Variants in PITPNB observed in about 807,000 individuals in gnomAD.
The protein encoded by PITPNB is phosphatidylinositol transfer protein beta.
In PITPNB, 16 loss-of-function variants were observed where a neutral mutation model predicts 45.9. That is an observed-to-expected ratio of 0.35 (90% CI 0.24 to 0.53). The LOEUF (loss-of-function observed/expected upper bound fraction) is 0.53, where lower values mean the gene tolerates loss of function less well. PITPNB is among the 20% of genes least tolerant of loss of function. The probability of loss-of-function intolerance (pLI) is 0.93; values close to 1 mark genes in which losing one functional copy is unlikely to be tolerated. For synonymous variants in PITPNB, 112 were observed against 108.9 expected, an observed-to-expected ratio of 1.03 and a Z score of -0.18; for missense variants, 188 against 330.5, an observed-to-expected ratio of 0.57 and a Z score of 3.34.
In PITPNB at chr22:27,897,936, T is replaced by G. The variant is rs779737087; in HGVS notation, c.198-44A>C. ...TGGATATATTTAACAGCACCATCAA[T>G]TCTTTCTTGGTATCTATCCAACTGC... On this transcript the variant is annotated intron_variant, in intron 3 of 11. Coordinates refer to ENST00000335272, the MANE Select transcript of PITPNB (RefSeq NM_012399.5). 1.2e-5 allele frequency: 16 copies of G among 1,321,114 alleles called. No homozygotes were observed. The South Asian group carries it at 1.7e-4, about 14-fold the overall frequency. The allele number at this position is 1,321,114 out of a possible 1,614,324, so 81.8% of individuals were successfully genotyped here.
chr22:27,919,108 T>C, intron 1 of PITPNB, 64 bp downstream of exon 1: 1 of 1,613,160 alleles, frequency 6.2e-7, no homozygotes, highest in Non-Finnish European at 8.5e-7. Flanking sequence ...CTACCACTTC[T>C]CCATCAACAA....
chr22:27,918,928 G>C (rs1936180438), intron 1 of PITPNB, among the ~76,000 whole-genome samples: 1 of 151,958 alleles, frequency 6.6e-6, no homozygotes, highest in Non-Finnish European at 1.5e-5. Context: ...CCATGCGCTC[G>C]GGCCGGGACC....
At chr22:27,918,399 A>G (rs7293052) in intron 1 of PITPNB, among the ~76,000 whole-genome samples, 5,471 of 152,280 alleles carry the variant, frequency 0.036, 321 homozygotes, top group African/African-American at 0.13. Context: ...GAACATTCAG[A>G]GGCAAGCAGA....
At position 27,875,487 on chromosome 22, in the gene PITPNB, CA is replaced by C. The variant is rs2146368988; in HGVS notation, c.457-1673del. ...AATGAATAACTCCACTTCTGATTGA[CA>C]AAAGAATCAACTGTGTGTACAGGTG... is the stretch of plus-strand genomic sequence containing the variant. On this transcript the variant is annotated intron_variant, in intron 7 of 11. Coordinates refer to ENST00000335272, the MANE Select transcript of PITPNB (RefSeq NM_012399.5). Among the ~76,000 whole-genome samples the C allele has an allele frequency of 2.0e-5, 3 of 152,156 alleles. No individual in the cohort carries two copies. In the South Asian group the frequency reaches 6.3e-4, roughly 32 times the overall value.
chr22:27,868,870 C>T (rs988739614), intron 8 of PITPNB, among the ~76,000 whole-genome samples: 32 of 152,142 alleles, frequency 2.1e-4, no homozygotes, highest in Non-Finnish European at 7.4e-5. Context: ...CTTTAGAGGC[C>T]TAATTATTAA....
intron 7 of PITPNB, among the ~76,000 whole-genome samples, chr22:27,888,828 C>T (rs1206740639): frequency 6.6e-6 from 1 of 152,160 alleles, no homozygotes; most frequent in Non-Finnish European, 1.5e-5. Context: ...AACAGGAAAG[C>T]ATAGGGTATG....
chr22:27,909,207 C>CTTTTTTTTTTTTTTTTTTTTTTTTT (rs34224616), intron 3 of PITPNB, among the ~76,000 whole-genome samples: 3 of 82,244 alleles, frequency 3.6e-5, no homozygotes, highest in Admixed American at 1.6e-4. Context: ...ACTGGTAGTA[C>CTTTTTTTTTTTTTTTTTTTTTTTTT]TTTTTTTTTT....
chr22:27,866,087 G>A (rs947690379), intron 8 of PITPNB, among the ~76,000 whole-genome samples: 2 of 152,118 alleles, frequency 1.3e-5, no homozygotes, highest in African/African-American at 4.8e-5. Flanking sequence ...AAATTTAAAA[G>A]GACAACTTAA....
intron 11 of PITPNB, among the ~76,000 whole-genome samples, chr22:27,854,448 C>T (rs1341804030): frequency 6.6e-6 from 1 of 152,148 alleles, no homozygotes; most frequent in African/African-American, 2.4e-5. Context: ...TTGAGGTTGG[C>T]TCGTATGGTA....
intron 3 of PITPNB, among the ~76,000 whole-genome samples, chr22:27,900,222 AAAAG>A (rs1479835125): frequency 3.9e-5 from 6 of 151,912 alleles, no homozygotes; most frequent in African/African-American, 1.2e-4. Context: ...TAAAAAAAAA[AAAAG>A]AAAGAAAAAA....
intron 3 of PITPNB, among the ~76,000 whole-genome samples, chr22:27,907,159 A>G (rs1403248480): frequency 6.6e-6 from 1 of 152,220 alleles, no homozygotes; most frequent in Non-Finnish European, 1.5e-5. Flanking sequence ...ATTACTAGAC[A>G]CAAATTTAAC....
intron 10 of PITPNB, among the ~76,000 whole-genome samples, chr22:27,856,863 A>C (rs2146344814): frequency 6.6e-6 from 1 of 152,308 alleles, no homozygotes; most frequent in South Asian, 2.1e-4. Flanking sequence ...AAACCAGACA[A>C]GGCAAATGGG....
intron 1 of PITPNB, among the ~76,000 whole-genome samples, chr22:27,916,513 T>C (rs1601435812): frequency 6.6e-6 from 1 of 152,194 alleles, no homozygotes; most frequent in Non-Finnish European, 1.5e-5. Flanking sequence ...TTAATTCTTA[T>C]AAAAAAATAA....
intron 7 of PITPNB, among the ~76,000 whole-genome samples, chr22:27,891,145 A>G (rs1016947925): frequency 2.0e-5 from 3 of 152,206 alleles, no homozygotes; most frequent in Non-Finnish European, 4.4e-5. Context: ...TTTTGCAGCT[A>G]AACAGTGGTG....
chr22:27,904,015 A>G (rs1935687525), intron 3 of PITPNB, among the ~76,000 whole-genome samples: 1 of 152,172 alleles, frequency 6.6e-6, no homozygotes, highest in Non-Finnish European at 1.5e-5. Flanking sequence ...ACCTTCATAC[A>G]CTGCTGATAA....
chr22:27,893,254 C>A (rs938849401), intron 7 of PITPNB, among the ~76,000 whole-genome samples: 3 of 151,340 alleles, frequency 2.0e-5, no homozygotes, highest in Admixed American at 2.0e-4. Flanking sequence ...TATTCATAAA[C>A]TTTGGCAAGA....
At chr22:27,886,151 T>C (rs1483288365) in intron 7 of PITPNB, among the ~76,000 whole-genome samples, 1 of 152,206 alleles carries the variant, frequency 6.6e-6, no homozygotes, top group Non-Finnish European at 1.5e-5. Context: ...CACTACAATG[T>C]CACTTTCTCT....
chr22:27,904,132 A>G (rs1351548003), intron 3 of PITPNB, among the ~76,000 whole-genome samples: 1 of 152,222 alleles, frequency 6.6e-6, no homozygotes, highest in African/African-American at 2.4e-5. Context: ...AGCAATATAT[A>G]TCTCCAAGAG....
intron 7 of PITPNB, among the ~76,000 whole-genome samples, chr22:27,884,449 C>G (rs1935060406): frequency 6.6e-6 from 1 of 152,210 alleles, no homozygotes; most frequent in South Asian, 2.1e-4. Context: ...GGGACCCCTC[C>G]TACTCTGCAG....
Sources: allele counts gnomAD v4.1 joint callset (sites outside exome capture counted in the v4.1 genomes callset), GRCh38; gene constraint gnomAD v4.1.1; transcripts MANE v1.5; gene names NCBI Gene and HGNC (gene_info 2026-07-23, HGNC 2026-07-21).